The following ZFR2 variants were observed in gnomAD, a reference collection of about 807,000 sequenced individuals.
ZFR2 encodes the protein zinc finger RNA binding protein 2, also known as zinc finger RNA-binding protein 2.
A neutral mutation model predicts 105.7 loss-of-function variants in ZFR2; 104 were observed. That is an observed-to-expected ratio of 0.98 (90% CI 0.84 to 1.16). The LOEUF is 1.16. Among genes scored for constraint, ZFR2 ranks in the 50% most tolerant of loss-of-function variants. The pLI is 0.00. For synonymous variants in ZFR2, 634 were observed against 597.7 expected, an observed-to-expected ratio of 1.06 and a Z score of -0.89; for missense variants, 1,425 against 1,355.5, an observed-to-expected ratio of 1.05 and a Z score of -0.80.
At position 3,813,769 on chromosome 19, in the gene ZFR2, C is replaced by T. The variant is rs1391109852; in HGVS notation, c.2242+51G>A. 1 of 1,604,778 alleles carries T rather than the reference C, an allele frequency of 6.2e-7. No homozygotes were observed. Among genetic ancestry groups the T allele is most frequent in the East Asian group, 2.2e-5 (1 of 44,756 alleles). ...CCCCAGGCCTGGGTGTGGGGAGCGC[C>T]CTGGGGAAGCGTGAGGGGGACAGTG... On this transcript the variant is annotated intron_variant, in intron 14 of 18. Transcript: ENST00000262961. The surrounding 1 kb of genome is among the most constrained non-coding windows in gnomAD (Gnocchi z 4.4).
intron 16 of ZFR2, among the ~76,000 whole-genome samples, chr19:3,809,836 C>T (rs988651168): frequency 2.0e-5 from 3 of 151,772 alleles, no homozygotes; most frequent in East Asian, 3.9e-4. Flanking sequence ...CCCAGCTACT[C>T]GGGAGGCTGA....
chr19:3,843,337 G>A (rs2038153072), intron 1 of ZFR2, among the ~76,000 whole-genome samples: 1 of 151,856 alleles, frequency 6.6e-6, no homozygotes, highest in Non-Finnish European at 1.5e-5. Flanking sequence ...TGGGCCTGGT[G>A]GGGCGTGCCT....
intron 7 of ZFR2, 45 bp downstream of exon 7, chr19:3,825,185 C>G: frequency 7.1e-7 from 1 of 1,418,240 alleles, no homozygotes; most frequent in South Asian, 1.6e-5. Context: ...CACTAGGCGG[C>G]CAGGGCTCTG....
rs770396423 is a variant in ZFR2 at position 3,807,197 on chromosome 19, C to T, written c.2618G>A (p.Arg873Gln). Reference protein sequence around the residue: ...DALEPMTLQEREDVTASAQHA... With the variant: ...DALEPMTLQEQEDVTASAQHA... ...CTGGGCGCTGGCGGTCACGTCTTCC[C>T]GCTCTTGGAGGGTCATGGGCTCGAG... is the stretch of plus-strand genomic sequence containing the variant. The change falls in exon 18 of 19, where the codon CGG becomes CAG. Residue 873 changes from arginine to glutamine, a missense_variant. By Grantham distance (43) the Arg-to-Gln change is conservative (BLOSUM62 1). Coordinates refer to ENST00000262961, the MANE Select transcript of ZFR2 (RefSeq NM_015174.2). 2.2e-5 allele frequency: 35 copies of T among 1,557,536 alleles called. No homozygotes were observed. Among genetic ancestry groups the T allele is most frequent in the East Asian group, 4.8e-5 (2 of 41,514 alleles).
chr19:3,857,160 T>C (rs2038314029), intron 1 of ZFR2: 1 of 133,554 alleles, frequency 7.5e-6, no homozygotes, highest in Non-Finnish European at 1.5e-5. Context: ...CAGTCTCGAC[T>C]CACTGCAACC....
intron 11 of ZFR2, 81 bp from the exon 12 acceptor site, chr19:3,819,316 G>C: frequency 1.0e-6 from 1 of 965,664 alleles, no homozygotes; most frequent in Non-Finnish European, 1.4e-6. Context: ...GGTGGGGGCA[G>C]GTGGCCGTGG....
intron 1 of ZFR2, among the ~76,000 whole-genome samples, 190 bp downstream of exon 1, chr19:3,868,775 C>T (rs1453462260): frequency 1.3e-5 from 2 of 152,164 alleles, no homozygotes; most frequent in Non-Finnish European, 2.9e-5. Flanking sequence ...GCCCGCATCC[C>T]GCCCGGTGCC....
rs370728146 is a variant in ZFR2, at chr19:3,854,854, C to T, written c.53+14111G>A. 7.2e-5 allele frequency among the ~76,000 whole-genome samples: 11 copies of T among 152,320 alleles called. No individual in the cohort carries two copies. In the South Asian group the frequency reaches 2.3e-3, roughly 32 times the overall value. On this transcript the variant is annotated intron_variant, in intron 1 of 18. Coordinates refer to ENST00000262961, the MANE Select transcript of ZFR2 (RefSeq NM_015174.2). ...TCATAGCTCACTGCAGCCTCTAACT[C>T]CTGGGCTCAAGTGATCCACCTCAGC...
At chr19:3,847,758 G>C (rs921632647) in intron 1 of ZFR2, among the ~76,000 whole-genome samples, 2 of 152,114 alleles carry the variant, frequency 1.3e-5, no homozygotes, top group African/African-American at 2.4e-5. Context: ...ATGCTCCAAG[G>C]CTTATTCTAG....
At chr19:3,863,381 C>T (rs189945703) in intron 1 of ZFR2, among the ~76,000 whole-genome samples, 14 of 152,252 alleles carry the variant, frequency 9.2e-5, no homozygotes, top group African/African-American at 3.4e-4. Flanking sequence ...CCCAGTGACA[C>T]GGGGCCATGT....
At chr19:3,846,703 ATTGT>A (rs1372699966) in intron 1 of ZFR2, among the ~76,000 whole-genome samples, 3 of 152,232 alleles carry the variant, frequency 2.0e-5, no homozygotes, top group Non-Finnish European at 4.4e-5. Flanking sequence ...AAGAAGAATA[ATTGT>A]TTACTTGTTT....
At chr19:3,828,005 G>A (rs1324545400) in intron 5 of ZFR2, among the ~76,000 whole-genome samples, 3 of 151,664 alleles carry the variant, frequency 2.0e-5, no homozygotes, top group Admixed American at 2.0e-4. Context: ...ATTTTTAGTA[G>A]AGACGGGGTT....
chr19:3,808,115 CCAT>C (rs1432538532), intron 17 of ZFR2, among the ~76,000 whole-genome samples: 1 of 129,944 alleles, frequency 7.7e-6, no homozygotes, highest in Non-Finnish European at 1.6e-5. Flanking sequence ...GTGCTCATAT[CCAT>C]ATGTGTGCCC....
chr19:3,811,285 G>T lies in ZFR2; in HGVS notation c.2324C>A (p.Ala775Asp). 6.3e-7 allele frequency: 1 copy of T among 1,597,106 alleles called. No individual in the cohort carries two copies. The change falls in exon 15 of 19, where the codon GCC (alanine) becomes GAC (aspartate). Residue 775 changes from alanine (A) to aspartate (D), a missense_variant. Ala to Asp is a moderately radical substitution (Grantham distance 126). Transcript: ENST00000262961. Reference protein sequence around the residue: ...CLESLAALRHARWFQARASGL... With the variant: ...CLESLAALRHDRWFQARASGL... ...TGCCCCCCTGACCTGAAACCACCTG[G>T]CATGACGGAGGGCGGCCAGGGACTC...
intron 16 of ZFR2, 38 bp from the exon 17 acceptor site, chr19:3,809,021 G>A (rs184441018): frequency 2.4e-5 from 35 of 1,479,074 alleles, no homozygotes; most frequent in Admixed American, 1.3e-4. Context: ...TGTTTTGGGC[G>A]CGCGGCAGCC....
intron 3 of ZFR2, among the ~76,000 whole-genome samples, chr19:3,833,361 G>C (rs1408191893): frequency 3.3e-5 from 5 of 152,042 alleles, no homozygotes; most frequent in Admixed American, 6.6e-5. Flanking sequence ...CGGATCACGA[G>C]GTCAGGAGAT....
chr19:3,813,834 G>A lies in ZFR2; in HGVS notation c.2228C>T (p.Pro743Leu). ...SVTSPLMRED[P>L]STDPGVEEPQ... is the part of the protein sequence containing the mutation. Reference sequence around the variant, plus strand: ...CTGGGCCGCACCTGGGTCTGTGGAGGGGTCCTCCCGCATCAGAGGTGAGGT... The same window carrying A: ...CTGGGCCGCACCTGGGTCTGTGGAGAGGTCCTCCCGCATCAGAGGTGAGGT... Residue 743 changes from proline to leucine, a missense_variant, in exon 14 of 19, where the codon CCC (proline) becomes CTC (leucine). By Grantham distance (98) the Pro-to-Leu change is moderately conservative. Coordinates refer to ENST00000262961, the MANE Select transcript of ZFR2 (RefSeq NM_015174.2). This position sits in a 1 kb window ranked among gnomAD's most constrained non-coding sequence, Gnocchi z 4.4. 6.2e-7 allele frequency: 1 copy of A among 1,613,838 alleles called. No individual in the cohort carries two copies. Among genetic ancestry groups the A allele is most frequent in the Non-Finnish European group, 8.5e-7 (1 of 1,179,864 alleles).
chr19:3,807,172 C>T lies in ZFR2; in HGVS notation c.2643G>A (p.Gln881=), dbSNP rs780271622. ...CCTTGCCGTGACTTGACCCTCCTAC[C>T]TGGGCGCTGGCGGTCACGTCTTCCC... ...QEREDVTASA[Q]HALRMLAFRQ... The change falls in exon 18 of 19, where the codon CAG becomes CAA. Residue 881 remains glutamine (Q), a splice_region_variant and synonymous_variant. Coordinates refer to ENST00000262961, the MANE Select transcript of ZFR2 (RefSeq NM_015174.2). The T allele has an allele frequency of 6.4e-7, 1 of 1,552,502 alleles. No homozygotes were observed. Among genetic ancestry groups the T allele is most frequent in the African/African-American group, 1.4e-5 (1 of 73,276 alleles).
rs2037696832 is a variant in ZFR2 at position 3,806,351 on chromosome 19, C to T, written c.2644-226G>A. Among the ~76,000 whole-genome samples the T allele has an allele frequency of 2.0e-5, 3 of 152,350 alleles. No individual in the cohort carries two copies. The East Asian group carries it at 5.8e-4, about 29-fold the overall frequency. ...GATCTCAGCTCATTGCAACCACCGC[C>T]TCCCAGGTTCAAGTGATTCTCCTGC... On this transcript the variant is annotated intron_variant, in intron 18 of 18. Transcript: ENST00000262961.
Sources: allele counts gnomAD v4.1 joint callset (sites outside exome capture counted in the v4.1 genomes callset), GRCh38; gene constraint gnomAD v4.1.1; non-coding constraint Gnocchi (gnomAD v3.1); transcripts MANE v1.5; gene names NCBI Gene and HGNC (gene_info 2026-07-23, HGNC 2026-07-21).